Variants in RNF32 observed in about 807,000 individuals in gnomAD.
RNF32 encodes ring finger protein 32.
A neutral mutation model predicts 41.0 loss-of-function variants in RNF32; 36 were observed. The ratio of observed to expected loss-of-function variants is 0.88; its 90% CI spans 0.67 to 1.16. The LOEUF (loss-of-function observed/expected upper bound fraction) is 1.16. Among genes scored for constraint, RNF32 ranks in the 50% most tolerant of loss-of-function variants. The pLI, the probability that RNF32 is intolerant of heterozygous loss-of-function variation, is 0.00. For synonymous variants in RNF32, 154 were observed against 160.9 expected (o/e 0.96, Z 0.32); for missense variants, 413 against 436.7 (o/e 0.95, Z 0.48).
At position 156,669,834 on chromosome 7, in the gene RNF32, G is replaced by T. The variant is rs1026337145; in HGVS notation, c.685-5862G>T. Reference sequence around the variant, plus strand: ...GAGGCTCAAAATAACCAGATGAGACGTGCAGTTGGGCCTGCAGCACGCAGG... The same window carrying T: ...GAGGCTCAAAATAACCAGATGAGACTTGCAGTTGGGCCTGCAGCACGCAGG... On this transcript the variant is annotated intron_variant, in intron 7 of 8. Transcript: ENST00000317955. This position sits in a 1 kb window ranked among gnomAD's most constrained non-coding sequence, Gnocchi z 4.2. 6.6e-6 allele frequency among the ~76,000 whole-genome samples: 1 copy of T among 152,192 alleles called. No homozygotes were observed. The highest frequency in any genetic ancestry group is 1.5e-5 in the Non-Finnish European group (1 of 68,036).
In RNF32 at chr7:156,658,451, CTG is replaced by C. The variant is rs758129714; in HGVS notation, c.576-7_576-6del. The C allele has an allele frequency of 1.4e-4, 229 of 1,599,226 alleles. 1 individual carries two copies. In the African/African-American group the frequency reaches 2.7e-3, roughly 19 times the overall value. On this transcript the variant is annotated splice_polypyrimidine_tract_variant and intron_variant, in intron 6 of 8. Coordinates refer to ENST00000317955, the MANE Select transcript of RNF32 (RefSeq NM_030936.4). ...TCATAAATTAGTCATTTTCAAATAT[CTG>C]TGTTTTAGAATCCAAGCCTACTGGA... is the stretch of plus-strand genomic sequence containing the variant.
intron 4 of RNF32, among the ~76,000 whole-genome samples, chr7:156,656,794 C>T (rs1017666116): frequency 1.3e-5 from 2 of 152,324 alleles, no homozygotes; most frequent in African/African-American, 4.8e-5. Flanking sequence ...CACAAGTTTC[C>T]CCTGCTTTCC....
chr7:156,658,435 A>G, intron 6 of RNF32, 27 bp from the exon 7 acceptor site: 1 of 1,566,770 alleles, frequency 6.4e-7, no homozygotes, highest in Non-Finnish European at 8.8e-7. Context: ...ATCATAAATT[A>G]GTCATTTTCA....
At chr7:156,651,011 G>A (rs1296972287) in intron 3 of RNF32, among the ~76,000 whole-genome samples, 1 of 152,072 alleles carries the variant, frequency 6.6e-6, no homozygotes, top group Non-Finnish European at 1.5e-5. Flanking sequence ...CATGCATCCT[G>A]CACACCATTC....
intron 5 of RNF32, chr7:156,657,843 C>G: frequency 1.7e-6 from 1 of 597,344 alleles, no homozygotes; most frequent in South Asian, 2.1e-5. Flanking sequence ...CATGATCGAT[C>G]TGCATGTGGC....
rs193204259 is a variant in RNF32 at position 156,648,063 on chromosome 7, C to T, written c.274+3306C>T. On this transcript the variant is annotated intron_variant, in intron 3 of 8. Transcript: ENST00000317955. ...TTTTCTTGCTGATTTGTTTGAGTTC[C>T]TCGTAGGTTCTGGATACTAGTCCTT... 4.0e-3 allele frequency among the ~76,000 whole-genome samples: 604 copies of T among 151,084 alleles called. 6 individuals are homozygous for T. Among genetic ancestry groups the T allele is most frequent in the African/African-American group, 0.013 (549 of 41,040 alleles).
At chr7:156,663,436 A>G (rs763732766) in intron 7 of RNF32, among the ~76,000 whole-genome samples, 2 of 152,212 alleles carry the variant, frequency 1.3e-5, no homozygotes, top group African/African-American at 2.4e-5. Flanking sequence ...TACCACACTG[A>G]TAAGAAAAAA....
chr7:156,655,239 G>GCGCA (rs1413641991), intron 4 of RNF32, among the ~76,000 whole-genome samples: 15 of 148,528 alleles, frequency 1.0e-4, no homozygotes, highest in South Asian at 6.4e-4. Flanking sequence ...ACACGCGCGC[G>GCGCA]CACACACACA....
In RNF32 at chr7:156,646,373, G is replaced by A. The variant is rs192152746; in HGVS notation, c.274+1616G>A. On this transcript the variant is annotated intron_variant, in intron 3 of 8. Coordinates refer to ENST00000317955, the MANE Select transcript of RNF32 (RefSeq NM_030936.4). ...CTGGCATTGCTTAGCTTGTGGCAGC[G>A]TCACTCCAATCTCTGCCTCTGACTT... 2.3e-4 allele frequency: 291 copies of A among 1,281,176 alleles called. 2 individuals carry two copies. In the African/African-American group the frequency reaches 4.0e-3, roughly 18 times the overall value. The allele number at this position is 1,281,176 out of a possible 1,614,324, so 79.4% of individuals were successfully genotyped here.
chr7:156,672,589 G>C (rs1368876443), intron 7 of RNF32, among the ~76,000 whole-genome samples: 1 of 152,222 alleles, frequency 6.6e-6, no homozygotes, highest in Non-Finnish European at 1.5e-5. Flanking sequence ...TTTATCTTGA[G>C]CTAAGTAACT....
At chr7:156,652,029 C>T (rs557364360) in intron 3 of RNF32, among the ~76,000 whole-genome samples, 16 of 152,258 alleles carry the variant, frequency 1.1e-4, no homozygotes, top group African/African-American at 3.6e-4. Context: ...CTCGTAGTGG[C>T]GACGCTTCTC....
chr7:156,658,336 A>C (rs201139310), intron 6 of RNF32, 84 bp downstream of exon 6: 284 of 1,580,878 alleles, frequency 1.8e-4, no homozygotes, highest in East Asian at 8.3e-4. Flanking sequence ...GTGGGATTTT[A>C]TCTCTCTTCT....
chr7:156,642,546 G>T (rs960983919), intron 1 of RNF32, among the ~76,000 whole-genome samples: 5 of 152,232 alleles, frequency 3.3e-5, no homozygotes, highest in Non-Finnish European at 7.3e-5. Context: ...CTGCATCTCT[G>T]TGTGAATACC....
intron 3 of RNF32, among the ~76,000 whole-genome samples, chr7:156,650,471 T>C (rs1798570048): frequency 6.6e-6 from 1 of 152,176 alleles, no homozygotes; most frequent in South Asian, 2.1e-4. Flanking sequence ...AAAGGCAAGA[T>C]GGGTGCTGGA....
At chr7:156,674,341 GGGGGAATGGGAAA>G (rs1057473585) in intron 7 of RNF32, among the ~76,000 whole-genome samples, 2 of 152,228 alleles carry the variant, frequency 1.3e-5, no homozygotes, top group Non-Finnish European at 2.9e-5. Flanking sequence ...ACCTGGGCAT[GGGGGAATGGGAAA>G]TGTCATCTCT....
In RNF32 at chr7:156,654,593, A is replaced by T. The variant is rs763631593; in HGVS notation, c.292A>T (p.Ile98Phe). Residue 98 changes from isoleucine (I) to phenylalanine (F), a missense_variant, in exon 4 of 9, where the codon ATT becomes TTT. By Grantham distance (21) the Ile-to-Phe change is conservative. Coordinates refer to ENST00000317955, the MANE Select transcript of RNF32 (RefSeq NM_030936.4). Reference protein sequence around the residue: ...PLTLAQKLGLIGPPPPPLSSD... With the variant: ...PLTLAQKLGLFGPPPPPLSSD... ...TACTTTAGCACAGAAGTTGGGCCTCATTGGGCCTCCACCACCTCCACTGTC... is the reference window on the plus strand; with the variant it reads ...TACTTTAGCACAGAAGTTGGGCCTCTTTGGGCCTCCACCACCTCCACTGTC... 6.2e-7 allele frequency: 1 copy of T among 1,614,084 alleles called. No individual in the cohort carries two copies.
intron 4 of RNF32, among the ~76,000 whole-genome samples, chr7:156,657,132 T>TG: frequency 6.6e-6 from 1 of 152,300 alleles, no homozygotes; most frequent in African/African-American, 2.4e-5. Flanking sequence ...TCACAAAAAT[T>TG]GGGGGGCATA....
intron 8 of RNF32, chr7:156,676,168 C>T: frequency 8.6e-7 from 1 of 1,167,066 alleles, no homozygotes; most frequent in Non-Finnish European, 1.2e-6. Flanking sequence ...TCTGGAAGTT[C>T]CTGTTGGATG....
intron 7 of RNF32, among the ~76,000 whole-genome samples, chr7:156,675,131 C>T (rs1227684587): frequency 3.3e-5 from 5 of 152,094 alleles, no homozygotes; most frequent in African/African-American, 7.2e-5. Flanking sequence ...GAAGAGGCAG[C>T]GGCGACCCGA....
Sources: gnomAD v4.1 joint callset for allele counts (sites outside exome capture counted in the v4.1 genomes callset) on GRCh38, gnomAD v4.1.1 for gene constraint, Gnocchi (gnomAD v3.1) non-coding constraint, MANE v1.5 for transcripts, NCBI Gene and HGNC (gene_info 2026-07-23, HGNC 2026-07-21) for gene names.